The following ASH1L variants were observed in gnomAD, a reference collection of about 807,000 sequenced individuals.
The protein encoded by ASH1L is ASH1 like histone lysine methyltransferase.
Under a neutral mutation model 269.0 loss-of-function variants are expected in ASH1L, and 23 were observed. The observed-to-expected ratio is 0.09, with a 90% CI of 0.06 to 0.12. The LOEUF (loss-of-function observed/expected upper bound fraction) is 0.12, where lower values mean the gene tolerates loss of function less well. Ranked by LOEUF, ASH1L falls within the 10% of genes least tolerant of loss-of-function variation. The probability of loss-of-function intolerance (pLI) is 1.00; values close to 1 mark genes in which losing one functional copy is unlikely to be tolerated. For missense variants in ASH1L, 2,912 were observed against 3,567.8 expected (o/e 0.82, Z 4.68); for synonymous variants, 1,187 against 1,253.5 (o/e 0.95, Z 1.12).
chr1:155,354,451 A>G, intron 16 of ASH1L, 22 bp downstream of exon 16: 1 of 1,601,666 alleles, frequency 6.2e-7, no homozygotes, highest in East Asian at 2.2e-5. Flanking sequence ...CTCAAAAAAA[A>G]GAAATGTTTC....
chr1:155,348,024 C>A, intron 19 of ASH1L, 120 bp from the exon 20 acceptor site: 1 of 1,218,772 alleles, frequency 8.2e-7, no homozygotes, highest in Non-Finnish European at 1.2e-6. Flanking sequence ...AACAGATTTT[C>A]AATAGTATCA....
At chr1:155,550,066 G>C (rs1005909298) in intron 1 of ASH1L, among the ~76,000 whole-genome samples, 6 of 151,778 alleles carry the variant, frequency 4.0e-5, no homozygotes, top group Non-Finnish European at 7.4e-5. Context: ...TGTTGCCCAA[G>C]CTGGAGTGCC....
chr1:155,446,403 A>G (rs1663030031), intron 4 of ASH1L, among the ~76,000 whole-genome samples: 1 of 150,810 alleles, frequency 6.6e-6, no homozygotes, highest in African/African-American at 2.4e-5. Context: ...GGTTCAAGCA[A>G]TTCTCATGTC....
chr1:155,509,747 C>T (rs1427504723), intron 2 of ASH1L, among the ~76,000 whole-genome samples: 2 of 151,914 alleles, frequency 1.3e-5, no homozygotes, highest in South Asian at 2.1e-4. Context: ...TGCAGTGAGC[C>T]GAGACTGCAC....
chr1:155,429,463 G>A (rs1238165799), intron 5 of ASH1L, among the ~76,000 whole-genome samples: 4 of 152,036 alleles, frequency 2.6e-5, no homozygotes, highest in African/African-American at 7.2e-5. Flanking sequence ...TAGTAGAGAC[G>A]ATGTTGCCTA....
chr1:155,407,898 A>G (rs1262339331), intron 6 of ASH1L, among the ~76,000 whole-genome samples: 2 of 152,192 alleles, frequency 1.3e-5, no homozygotes, highest in Non-Finnish European at 2.9e-5. Context: ...CACACATTAA[A>G]TATCTAAATG....
intron 7 of ASH1L, among the ~76,000 whole-genome samples, chr1:155,381,585 A>C (rs1354366168): frequency 2.7e-5 from 4 of 150,558 alleles, no homozygotes; most frequent in Non-Finnish European, 5.9e-5. Flanking sequence ...AAAAAAACCA[A>C]CCTTGGCTGG....
intron 3 of ASH1L, among the ~76,000 whole-genome samples, chr1:155,475,510 C>T (rs1665473460): frequency 1.3e-5 from 2 of 152,132 alleles, no homozygotes; most frequent in South Asian, 4.1e-4. Context: ...TAATTAGATC[C>T]CCTTCTGCCA....
chr1:155,513,571 CAAA>C (rs767517719), intron 2 of ASH1L, among the ~76,000 whole-genome samples: 24 of 82,912 alleles, frequency 2.9e-4, no homozygotes, highest in Admixed American at 4.4e-4. Flanking sequence ...GATCCTGTAT[CAAA>C]AAAAAAAAAA....
At chr1:155,381,228 C>A (rs1440016566) in intron 7 of ASH1L, among the ~76,000 whole-genome samples, 16 of 152,208 alleles carry the variant, frequency 1.1e-4, no homozygotes, top group East Asian at 7.7e-4. Context: ...CTATACTTTT[C>A]ATCATTATTT....
In ASH1L at chr1:155,482,402, T is replaced by A. The variant is rs1187793386; in HGVS notation, c.468A>T (p.Glu156Asp). ...YKKADDVAAI[E>D]CQSEEVIRLH... is the part of the protein sequence containing the mutation. ...GACGGATGACTTCTTCAGACTGGCA[T>A]TCAATGGCTGCAACATCATCTGCTT... Residue 156 changes from glutamate (E) to aspartate (D), a missense_variant, in exon 3 of 28, where the codon GAA becomes GAT. By Grantham distance (45) the Glu-to-Asp change is conservative. Coordinates refer to ENST00000392403, the MANE Select transcript of ASH1L (RefSeq NM_018489.3). 6.2e-7 allele frequency: 1 copy of A among 1,614,036 alleles called. No homozygotes were observed. The highest frequency in any genetic ancestry group is 1.1e-5 in the South Asian group (1 of 91,058).
intron 2 of ASH1L, among the ~76,000 whole-genome samples, chr1:155,515,338 A>AT (rs1403084891): frequency 1.3e-5 from 2 of 152,100 alleles, no homozygotes; most frequent in African/African-American, 4.8e-5. Context: ...CATCTCAACA[A>AT]TTTTTTGCAG....
chr1:155,447,048 AT>A (rs1488631158), intron 4 of ASH1L, among the ~76,000 whole-genome samples: 8 of 152,266 alleles, frequency 5.3e-5, no homozygotes, highest in Non-Finnish European at 1.2e-4. Context: ...TTTTCTGCAA[AT>A]TGTATTATTT....
rs1187547460 is a variant in ASH1L, at chr1:155,479,919, C to T, written c.2951G>A (p.Arg984His). The change falls in exon 3 of 28, where the codon CGC becomes CAC. Residue 984 changes from arginine (R) to histidine (H), a missense_variant. Arg to His is a conservative substitution (Grantham distance 29). Around this residue, in one of 13 missense-constraint regions of ASH1L, gnomAD observed 715 missense variants for 721.0 expected, o/e 0.99. Coordinates refer to ENST00000392403, the MANE Select transcript of ASH1L (RefSeq NM_018489.3). ...TAAAGTCTTCATTTTATTTATTTTG[C>T]GGATAATTGTTTTCATTAATTGTCC... ...NNGQLMKTII[R>H]KINKMKTLKR... is the part of the protein sequence containing the mutation. 8.7e-6 allele frequency: 14 copies of T among 1,613,172 alleles called. No homozygotes were observed. The highest frequency in any genetic ancestry group is 4.5e-5 in the East Asian group (2 of 44,880).
At chr1:155,443,700 AT>A (rs1427684182) in intron 4 of ASH1L, among the ~76,000 whole-genome samples, 5 of 152,188 alleles carry the variant, frequency 3.3e-5, no homozygotes, top group African/African-American at 4.8e-5. Flanking sequence ...AAGAATATGT[AT>A]TTTATTGTAC....
intron 1 of ASH1L, among the ~76,000 whole-genome samples, chr1:155,536,617 A>T (rs528994698): frequency 2.1e-4 from 32 of 152,136 alleles, no homozygotes; most frequent in Non-Finnish European, 4.0e-4. Context: ...TAATACTTCT[A>T]CATAATGAGG....
intron 2 of ASH1L, among the ~76,000 whole-genome samples, chr1:155,488,667 A>C (rs1390923068): frequency 9.0e-6 from 1 of 111,716 alleles, no homozygotes; most frequent in African/African-American, 3.9e-5. Flanking sequence ...AGACTCTGTC[A>C]CAAAAAAAAA....
Position 155,343,052 on chromosome 1 carries a change from C to A in ASH1L, c.8293+262G>T. On this transcript the variant is annotated intron_variant, in intron 24 of 27. Transcript: ENST00000392403. This position sits in a 1 kb window ranked among gnomAD's most constrained non-coding sequence, Gnocchi z 6.1. ...TTTGAGGCAGGGTTTCATTCTGTTG[C>A]ACAGGTTGGAGTGCAGTGGTGCGAT... 1 of 306,716 alleles carries A rather than the reference C, an allele frequency of 3.3e-6. No individual in the cohort carries two copies. Among genetic ancestry groups the A allele is most frequent in the Non-Finnish European group, 6.0e-6 (1 of 167,338 alleles). The allele number at this position is 306,716 out of a possible 1,614,324, so 19.0% of individuals were successfully genotyped here.
At chr1:155,499,819 CT>C (rs1667394324) in intron 2 of ASH1L, among the ~76,000 whole-genome samples, 1 of 152,000 alleles carries the variant, frequency 6.6e-6, no homozygotes, top group South Asian at 2.1e-4. Flanking sequence ...GAAGATATAC[CT>C]TCTAACAATT....
Sources: gnomAD v4.1 joint callset for allele counts (sites outside exome capture counted in the v4.1 genomes callset) on GRCh38, gnomAD v4.1.1 for gene constraint, gnomAD v4.1.1 regional missense constraint, Gnocchi (gnomAD v3.1) non-coding constraint, MANE v1.5 for transcripts, NCBI Gene and HGNC (gene_info 2026-07-23, HGNC 2026-07-21) for gene names.